Variants in ST3GAL3 observed in about 807,000 individuals in gnomAD.
The protein encoded by ST3GAL3 is CMP-N-acetylneuraminate-beta-1,4-galactoside alpha-2,3-sialyltransferase.
Under a neutral mutation model 50.1 loss-of-function variants are expected in ST3GAL3, and 21 were observed. The ratio of observed to expected loss-of-function variants is 0.42; its 90% CI spans 0.30 to 0.60. ST3GAL3 has a LOEUF of 0.60. ST3GAL3 is among the 20% of genes least tolerant of loss of function. ST3GAL3 has a pLI of 0.19. For missense variants in ST3GAL3, 353 were observed against 489.4 expected, an observed-to-expected ratio of 0.72 and a Z score of 2.63; for synonymous variants, 183 against 190.0, an observed-to-expected ratio of 0.96 and a Z score of 0.30.
At chr1:43,795,146 G>A (rs1340267123) in intron 3 of ST3GAL3, among the ~76,000 whole-genome samples, 1 of 152,186 alleles carries the variant, frequency 6.6e-6, no homozygotes, top group East Asian at 1.9e-4. Context: ...AGCTAATAAT[G>A]TTCAAGGGGA....
At chr1:43,753,662 C>A (rs180948713) in intron 2 of ST3GAL3, among the ~76,000 whole-genome samples, 225 of 152,330 alleles carry the variant, frequency 1.5e-3, no homozygotes, top group Admixed American at 2.5e-3. Context: ...GTAATCTATT[C>A]TAGACTGCTG....
chr1:43,832,644 T>G (rs2063699956), intron 4 of ST3GAL3, among the ~76,000 whole-genome samples: 1 of 152,104 alleles, frequency 6.6e-6, no homozygotes, highest in African/African-American at 2.4e-5. Flanking sequence ...ACAGAAGTTG[T>G]CCTTAAGGAG....
At chr1:43,799,068 A>G (rs370466809) in intron 3 of ST3GAL3, among the ~76,000 whole-genome samples, 21 of 152,352 alleles carry the variant, frequency 1.4e-4, no homozygotes, top group Admixed American at 1.2e-3. Context: ...AACAAACAGC[A>G]TGCATATTAA....
At chr1:43,756,116 A>AAAAAAAAAAAAAAAAAAAAAAG (rs763780680) in intron 2 of ST3GAL3, among the ~76,000 whole-genome samples, 1 of 136,814 alleles carries the variant, frequency 7.3e-6, no homozygotes, top group Non-Finnish European at 1.6e-5. Flanking sequence ...AAAAAAAAAA[A>AAAAAAAAAAAAAAAAAAAAAAG]AAGAAGAAGA....
At chr1:43,838,481 T>C in intron 5 of ST3GAL3, 170 bp downstream of exon 5, 1 of 658,600 alleles carries the variant, frequency 1.5e-6, no homozygotes, top group Non-Finnish European at 2.8e-6. Flanking sequence ...CTCCATGCCG[T>C]TGCTTTGCCT....
intron 9 of ST3GAL3, among the ~76,000 whole-genome samples, chr1:43,910,168 C>A (rs973897069): frequency 1.3e-5 from 2 of 152,156 alleles, no homozygotes; most frequent in African/African-American, 4.8e-5. Flanking sequence ...TTGTAATAGC[C>A]AAACCCAAAT....
intron 5 of ST3GAL3, chr1:43,879,138 A>G (rs573299276): frequency 4.9e-5 from 22 of 448,732 alleles, no homozygotes; most frequent in South Asian, 2.1e-4. Context: ...CAGAAATCTG[A>G]ATGAAAACAT....
rs906668501 is a variant in ST3GAL3 at position 43,858,065 on chromosome 1, G to A, written c.302+19754G>A. ...ACTACAGTGGAAAGAACAGGTTTTT[G>A]AAGTGAATAGGGCTGGGTTGCTCAA... is the stretch of plus-strand genomic sequence containing the variant. On this transcript the variant is annotated intron_variant, in intron 5 of 11. Transcript: ENST00000347631. 42 of 1,208,982 alleles carry A rather than the reference G, an allele frequency of 3.5e-5. No individual in the cohort carries two copies. The East Asian group carries it at 6.8e-4, about 20-fold the overall frequency. The allele number at this position is 1,208,982 out of a possible 1,614,324, so 74.9% of individuals were successfully genotyped here. A position where few individuals can be genotyped will look rare whatever the true frequency, so the allele number is the denominator to read the frequency against.
At chr1:43,859,516 G>T (rs1034972673) in intron 5 of ST3GAL3, among the ~76,000 whole-genome samples, 1 of 151,742 alleles carries the variant, frequency 6.6e-6, no homozygotes, top group African/African-American at 2.4e-5. Context: ...CCGAGATCAC[G>T]CCATTGCACT....
At chr1:43,821,004 C>T (rs2062021544) in intron 4 of ST3GAL3, among the ~76,000 whole-genome samples, 1 of 152,216 alleles carries the variant, frequency 6.6e-6, no homozygotes, top group South Asian at 2.1e-4. Flanking sequence ...TTCAGCTTGC[C>T]TCCTGCTCCA....
intron 5 of ST3GAL3, among the ~76,000 whole-genome samples, chr1:43,855,371 C>T (rs1475002679): frequency 6.6e-6 from 1 of 152,108 alleles, no homozygotes; most frequent in African/African-American, 2.4e-5. Flanking sequence ...TCACTTTGGC[C>T]GGCCAAGGCG....
intron 5 of ST3GAL3, among the ~76,000 whole-genome samples, chr1:43,874,877 T>A (rs2073765867): frequency 6.6e-6 from 1 of 152,148 alleles, no homozygotes; most frequent in Admixed American, 6.5e-5. Context: ...TGAGTAGTCA[T>A]CCAGGAGAAT....
rs1057407549 is a variant in ST3GAL3, at chr1:43,766,605, G to C, written c.119-25497G>C. ...CGGCTTGTGAGGAATGGTGGGGGGC[G>C]GGGAGTAGTGAGACCGAGGATTGCA... On this transcript the variant is annotated intron_variant, in intron 2 of 11. Transcript: ENST00000347631. Among the ~76,000 whole-genome samples, 9 of 152,174 alleles carry C rather than the reference G, an allele frequency of 5.9e-5. No individual in the cohort carries two copies. The South Asian group carries it at 1.9e-3, about 32-fold the overall frequency.
At chr1:43,904,572 A>C (rs2078831586) in intron 9 of ST3GAL3, among the ~76,000 whole-genome samples, 1 of 151,832 alleles carries the variant, frequency 6.6e-6, no homozygotes, top group Non-Finnish European at 1.5e-5. Context: ...CCCCCAGATA[A>C]AAATGCTCAA....
chr1:43,858,892 G>C (rs1261322324), intron 5 of ST3GAL3, among the ~76,000 whole-genome samples: 1 of 152,224 alleles, frequency 6.6e-6, no homozygotes, highest in Admixed American at 6.5e-5. Flanking sequence ...GTCTATGCCT[G>C]CCTGCCATGA....
chr1:43,828,397 G>A (rs534892315), intron 4 of ST3GAL3, among the ~76,000 whole-genome samples: 9 of 152,236 alleles, frequency 5.9e-5, no homozygotes, highest in Admixed American at 2.6e-4. Context: ...AAATCAGTAC[G>A]TTGATTTTAT....
intron 3 of ST3GAL3, among the ~76,000 whole-genome samples, chr1:43,794,255 T>TG (rs2058435828): frequency 6.6e-6 from 1 of 152,088 alleles, no homozygotes; most frequent in Non-Finnish European, 1.5e-5. Flanking sequence ...GAGCAAGACT[T>TG]GAACAGGCAT....
chr1:43,916,450 G>T (rs2081817690), intron 9 of ST3GAL3, among the ~76,000 whole-genome samples: 1 of 152,202 alleles, frequency 6.6e-6, no homozygotes, highest in Non-Finnish European at 1.5e-5. Flanking sequence ...CAGTTCCCAG[G>T]TTGCTGGTTT....
At chr1:43,894,183 C>A (rs2077034092) in intron 5 of ST3GAL3, 200 bp from the exon 6 acceptor site, 1 of 636,494 alleles carries the variant, frequency 1.6e-6, no homozygotes, top group Non-Finnish European at 2.9e-6. Context: ...CAGGCCTACT[C>A]CCTCAGACTC....
Sources: allele counts gnomAD v4.1 joint callset (sites outside exome capture counted in the v4.1 genomes callset), GRCh38; gene constraint gnomAD v4.1.1; transcripts MANE v1.5; gene names NCBI Gene and HGNC (gene_info 2026-07-23, HGNC 2026-07-21).